Variants in NFIB observed in about 807,000 individuals in gnomAD.
NFIB encodes nuclear factor I B.
NFIB carries 11 observed loss-of-function variants against 61.5 expected under a neutral mutation model. That is an observed-to-expected ratio of 0.18 (90% CI 0.11 to 0.30). The LOEUF is 0.30. NFIB is among the 10% of genes least tolerant of loss of function. NFIB has a pLI of 1.00. For synonymous variants in NFIB, 260 were observed against 216.5 expected (o/e 1.20, Z -1.76); for missense variants, 471 against 608.9 (o/e 0.77, Z 2.38).
intron 1 of NFIB, among the ~76,000 whole-genome samples, chr9:14,348,550 G>T (rs1436313537): frequency 1.3e-5 from 2 of 152,212 alleles, no homozygotes; most frequent in Admixed American, 1.3e-4. Flanking sequence ...AGTTTAGCAC[G>T]GCACAGGCGG....
chr9:14,088,924 A>G (rs2033338311), intron 10 of NFIB, among the ~76,000 whole-genome samples: 1 of 152,188 alleles, frequency 6.6e-6, no homozygotes, highest in African/African-American at 2.4e-5. Flanking sequence ...TATCAAACAT[A>G]CCTTAATCAG....
chr9:14,413,750 A>G, the NFIB span, among the ~76,000 whole-genome samples: 1 of 152,212 alleles, frequency 6.6e-6, no homozygotes, highest in African/African-American at 2.4e-5. Flanking sequence ...ATTTAATATC[A>G]TTCCAGGATG....
upstream of NFIB, among the ~76,000 whole-genome samples, chr9:14,399,720 T>C (rs116449266): frequency 2.3e-4 from 35 of 152,324 alleles, no homozygotes; most frequent in African/African-American, 8.4e-4. Flanking sequence ...ATTATAGTCT[T>C]TACTTTGAAA....
At chr9:14,486,579 T>C in the NFIB span, among the ~76,000 whole-genome samples, 3 of 152,186 alleles carry the variant, frequency 2.0e-5, no homozygotes, top group South Asian at 2.1e-4. Flanking sequence ...GTTACACCTA[T>C]TCTCATTTAT....
At chr9:14,320,450 A>G (rs1200976761) in intron 1 of NFIB, among the ~76,000 whole-genome samples, 2 of 152,230 alleles carry the variant, frequency 1.3e-5, no homozygotes. Context: ...ATGATTTAAT[A>G]GGGACTTTTC....
At chr9:14,103,843 T>C (rs750145323) in intron 10 of NFIB, among the ~76,000 whole-genome samples, 14 of 152,152 alleles carry the variant, frequency 9.2e-5, no homozygotes, top group Admixed American at 4.6e-4. Context: ...AACAGATTGA[T>C]AGACATGTAG....
At chr9:14,479,433 GC>G in the NFIB span, among the ~76,000 whole-genome samples, 2 of 152,218 alleles carry the variant, frequency 1.3e-5, no homozygotes, top group Non-Finnish European at 2.9e-5. Flanking sequence ...GTATGGTGGA[GC>G]TTTTGGCCAC....
chr9:14,375,399 T>C (rs1019167586), intron 1 of NFIB, among the ~76,000 whole-genome samples: 6 of 152,236 alleles, frequency 3.9e-5, no homozygotes, highest in Non-Finnish European at 7.3e-5. Flanking sequence ...GGCTCATGCC[T>C]GTAATCCCAG....
At chr9:14,306,376 A>C (rs936676147) in intron 2 of NFIB, among the ~76,000 whole-genome samples, 1 of 152,236 alleles carries the variant, frequency 6.6e-6, no homozygotes, top group Non-Finnish European at 1.5e-5. Flanking sequence ...TTTAATCGAC[A>C]GTGAATATTG....
intron 2 of NFIB, among the ~76,000 whole-genome samples, chr9:14,223,498 T>G (rs2051968078): frequency 6.6e-6 from 1 of 152,234 alleles, no homozygotes; most frequent in Non-Finnish European, 1.5e-5. Context: ...ATTCCAATTT[T>G]TTTTAGGGCA....
chr9:14,426,942 T>C, the NFIB span, among the ~76,000 whole-genome samples: 1 of 152,184 alleles, frequency 6.6e-6, no homozygotes, highest in Non-Finnish European at 1.5e-5. Context: ...GATTCCCTCT[T>C]TTCTGCTTGT....
intron 1 of NFIB, among the ~76,000 whole-genome samples, chr9:14,346,308 G>A (rs954274696): frequency 4.3e-5 from 4 of 92,902 alleles, no homozygotes; most frequent in Non-Finnish European, 1.1e-4. Flanking sequence ...CCCGTAACCT[G>A]AGCTAAAGGT....
chr9:14,122,370 T>A (rs1485950523), intron 7 of NFIB, among the ~76,000 whole-genome samples: 1 of 152,126 alleles, frequency 6.6e-6, no homozygotes, highest in South Asian at 2.1e-4. Context: ...ACAATGCAGA[T>A]CCCTTGGTCT....
At chr9:14,298,298 G>A (rs1486584505) in intron 2 of NFIB, among the ~76,000 whole-genome samples, 1 of 152,148 alleles carries the variant, frequency 6.6e-6, no homozygotes. Context: ...GTAACCAACA[G>A]CATAACTAAA....
At chr9:14,254,688 A>T (rs2056033832) in intron 2 of NFIB, among the ~76,000 whole-genome samples, 1 of 152,232 alleles carries the variant, frequency 6.6e-6, no homozygotes, top group South Asian at 2.1e-4. Flanking sequence ...GGTTCCTGAG[A>T]TAAATAATTT....
chr9:14,420,470 A>AAAAAAAAAAAAAAAAAAAAT, the NFIB span, among the ~76,000 whole-genome samples: 2 of 148,758 alleles, frequency 1.3e-5, no homozygotes, highest in African/African-American at 2.5e-5. Flanking sequence ...AAAAAAAAAA[A>AAAAAAAAAAAAAAAAAAAAT]GATGCTATCA....
chr9:14,468,736 T>C, the NFIB span, among the ~76,000 whole-genome samples: 5 of 152,238 alleles, frequency 3.3e-5, no homozygotes, highest in African/African-American at 4.8e-5. Context: ...GTGAGGCATT[T>C]TGAATGCTAG....
At chr9:14,386,227 C>G (rs916077877) in intron 1 of NFIB, among the ~76,000 whole-genome samples, 31 of 152,332 alleles carry the variant, frequency 2.0e-4, no homozygotes, top group Admixed American at 1.5e-3. Context: ...ACATCTCCCT[C>G]CTACTCCTGA....
intron 1 of NFIB, among the ~76,000 whole-genome samples, chr9:14,349,410 G>T (rs2061077987): frequency 6.6e-6 from 1 of 152,142 alleles, no homozygotes; most frequent in Admixed American, 6.5e-5. Context: ...CGTAGACTGG[G>T]TTCAACCGGG....
Sources: gnomAD v4.1 joint callset for allele counts (sites outside exome capture counted in the v4.1 genomes callset) on GRCh38, gnomAD v4.1.1 for gene constraint, MANE v1.5 for transcripts, NCBI Gene and HGNC (gene_info 2026-07-23, HGNC 2026-07-21) for gene names.